The following LSAMP variants were observed in gnomAD, a reference collection of about 807,000 sequenced individuals.
LSAMP encodes limbic system associated membrane protein, also known as limbic system-associated membrane protein.
Under a neutral mutation model 38.6 loss-of-function variants are expected in LSAMP, and 7 were observed. That is an observed-to-expected ratio of 0.18 (90% CI 0.10 to 0.34). The LOEUF is 0.34. Among genes scored for constraint, LSAMP ranks in the 10% least tolerant of loss-of-function variants. The pLI, the probability that LSAMP is intolerant of heterozygous loss-of-function variation, is 1.00. For synonymous variants in LSAMP, 154 were observed against 166.8 expected (o/e 0.92, Z 0.59); for missense variants, 313 against 420.0 (o/e 0.75, Z 2.23).
intron 3 of LSAMP, among the ~76,000 whole-genome samples, chr3:115,964,220 C>G (rs1356152038): frequency 6.6e-6 from 1 of 152,074 alleles, no homozygotes; most frequent in East Asian, 1.9e-4. Context: ...GTTATCATCA[C>G]CTTTTATAGG....
intron 1 of LSAMP, among the ~76,000 whole-genome samples, chr3:116,429,311 A>AG (rs1454592783): frequency 5.3e-5 from 8 of 152,264 alleles, no homozygotes; most frequent in African/African-American, 1.9e-4. Flanking sequence ...ACAAATAGTA[A>AG]GAAAGCAAAA....
chr3:116,235,476 G>T (rs1223884114), intron 1 of LSAMP, among the ~76,000 whole-genome samples: 1 of 152,010 alleles, frequency 6.6e-6, no homozygotes, highest in African/African-American at 2.4e-5. Flanking sequence ...AGAAATGGAA[G>T]GAGAAAGGGA....
intron 1 of LSAMP, among the ~76,000 whole-genome samples, chr3:116,320,238 C>T (rs1055330941): frequency 6.6e-6 from 1 of 152,016 alleles, no homozygotes; most frequent in African/African-American, 2.4e-5. Flanking sequence ...CATGATGAAA[C>T]CTCGTCTCTC....
intron 1 of LSAMP, among the ~76,000 whole-genome samples, chr3:116,171,581 G>A (rs1247461602): frequency 1.3e-5 from 2 of 152,036 alleles, no homozygotes; most frequent in Non-Finnish European, 2.9e-5. Flanking sequence ...TTGCCAGCAA[G>A]TATTTGGGCA....
At chr3:116,002,741 C>T (rs1402774920) in intron 3 of LSAMP, among the ~76,000 whole-genome samples, 1 of 152,120 alleles carries the variant, frequency 6.6e-6, no homozygotes, top group African/African-American at 2.4e-5. Context: ...CTCTGCTAAC[C>T]TTTTGCCCTC....
intron 3 of LSAMP, among the ~76,000 whole-genome samples, chr3:115,905,867 T>C (rs1261641321): frequency 6.6e-6 from 1 of 152,078 alleles, no homozygotes; most frequent in Admixed American, 6.6e-5. Context: ...AGGATATTTT[T>C]GTGAGGGGTC....
chr3:115,992,127 G>T (rs1176912954), intron 3 of LSAMP, among the ~76,000 whole-genome samples: 1 of 152,054 alleles, frequency 6.6e-6, no homozygotes, highest in Non-Finnish European at 1.5e-5. Flanking sequence ...TATAAAATAT[G>T]TTATAAAGTA....
Position 115,808,107 on chromosome 3 carries a change from T to TTTCCTTTC in LSAMP, c.*2209_*2210insGAAAGGAA, listed in dbSNP as rs1933676140. 1.2e-5 allele frequency: 1 copy of TTTCCTTTC among 82,214 alleles called. No homozygotes were observed. The highest frequency in any genetic ancestry group is 2.3e-5 in the Non-Finnish European group (1 of 42,768). 5.1% of individuals were successfully genotyped at this position (82,214 alleles called of 1,614,324 possible). The stretch of plus-strand genomic sequence containing the variant: ...TCTCCTTCCTTCCTTCCTTCCTTCC[T>TTTCCTTTC]TCCTCCCTCCCTCCCTCCCTCCCTC... On this transcript the variant is annotated 3_prime_UTR_variant, in exon 7 of 7. Transcript: ENST00000490035.
chr3:116,130,369 T>A (rs9866658), intron 1 of LSAMP, among the ~76,000 whole-genome samples: 43,942 of 152,128 alleles, frequency 0.29, 8,528 homozygotes, highest in African/African-American at 0.56. Context: ...GTGTTGATTA[T>A]ATCTCAACGG....
intron 6 of LSAMP, chr3:115,841,494 C>A: frequency 5.8e-6 from 1 of 172,178 alleles, no homozygotes. Flanking sequence ...ACACTGTTAT[C>A]CATTTCCAGG....
chr3:116,264,059 T>C (rs2046864896), intron 1 of LSAMP, among the ~76,000 whole-genome samples: 1 of 152,234 alleles, frequency 6.6e-6, no homozygotes, highest in Non-Finnish European at 1.5e-5. Context: ...CACTTGGTTG[T>C]TACCACAGGC....
chr3:116,318,168 A>G (rs1383236576), intron 1 of LSAMP, among the ~76,000 whole-genome samples: 1 of 151,760 alleles, frequency 6.6e-6, no homozygotes, highest in Non-Finnish European at 1.5e-5. Flanking sequence ...TTAGTAATAC[A>G]ACGTGCACTC....
chr3:116,325,580 T>G (rs180817824), intron 1 of LSAMP, among the ~76,000 whole-genome samples: 2 of 152,172 alleles, frequency 1.3e-5, no homozygotes, highest in African/African-American at 2.4e-5. Flanking sequence ...AAATGACATA[T>G]ATAACAGGAA....
chr3:115,965,441 T>C (rs148086077), intron 3 of LSAMP, among the ~76,000 whole-genome samples: 334 of 152,006 alleles, frequency 2.2e-3, no homozygotes, highest in African/African-American at 7.9e-3. Context: ...GAATATCTTA[T>C]AACCATGGGG....
intron 1 of LSAMP, among the ~76,000 whole-genome samples, chr3:116,314,939 T>G (rs111978037): frequency 2.2e-4 from 33 of 152,286 alleles, no homozygotes; most frequent in African/African-American, 7.5e-4. Context: ...CACTGTATAT[T>G]GAATAAAAAC....
chr3:115,980,473 A>G lies in LSAMP; in HGVS notation c.514+39042T>C, dbSNP rs184441839. ...TTTTGGTTTCTATTTGTTAGTGTAGAAAGAAAATAGTCTTAACTTCTACTT... is the reference window on the plus strand; with the variant it reads ...TTTTGGTTTCTATTTGTTAGTGTAGGAAGAAAATAGTCTTAACTTCTACTT... On this transcript the variant is annotated intron_variant, in intron 3 of 6. Transcript: ENST00000490035. 1.8e-3 allele frequency among the ~76,000 whole-genome samples: 270 copies of G among 152,280 alleles called. 1 individual carries two copies. The highest frequency in any genetic ancestry group is 6.4e-3 in the African/African-American group (266 of 41,578).
At chr3:116,404,469 G>A (rs1354046193) in intron 1 of LSAMP, among the ~76,000 whole-genome samples, 2 of 152,086 alleles carry the variant, frequency 1.3e-5, no homozygotes, top group African/African-American at 4.8e-5. Context: ...TAGAATATAT[G>A]CACAGAAGAC....
chr3:116,392,201 C>A (rs997909779), intron 1 of LSAMP, among the ~76,000 whole-genome samples: 28 of 152,176 alleles, frequency 1.8e-4, no homozygotes, highest in African/African-American at 6.8e-4. Flanking sequence ...GGAGCCCTGC[C>A]CATTTTGAGT....
intron 1 of LSAMP, among the ~76,000 whole-genome samples, chr3:116,162,935 G>A (rs1709933921): frequency 2.0e-5 from 3 of 151,962 alleles, no homozygotes; most frequent in Non-Finnish European, 2.9e-5. Context: ...GGTTGCCATG[G>A]CTTGACCTCC....
Sources: gnomAD v4.1 joint callset for allele counts (sites outside exome capture counted in the v4.1 genomes callset) on GRCh38, gnomAD v4.1.1 for gene constraint, MANE v1.5 for transcripts, NCBI Gene and HGNC (gene_info 2026-07-23, HGNC 2026-07-21) for gene names.